Variants in PBRM1 observed in about 807,000 individuals in gnomAD.
The protein encoded by PBRM1 is protein polybromo-1.
A neutral mutation model predicts 194.5 loss-of-function variants in PBRM1; 27 were observed. That is an observed-to-expected ratio of 0.14 (90% CI 0.10 to 0.19). The LOEUF is 0.19. Ranked by LOEUF, PBRM1 falls within the 10% of genes least tolerant of loss-of-function variation. The pLI is 1.00. For synonymous variants in PBRM1, 655 were observed against 693.2 expected (o/e 0.94, Z 0.87); for missense variants, 1,466 against 2,077.2 (o/e 0.71, Z 5.72).
At chr3:52,656,032 T>C (rs1577742048) in intron 5 of PBRM1, among the ~76,000 whole-genome samples, 1 of 152,264 alleles carries the variant, frequency 6.6e-6, no homozygotes, top group South Asian at 2.1e-4. Context: ...ATGATCACAA[T>C]AGGGCTAAGT....
At chr3:52,612,281 AAG>A (rs2094675454) in intron 15 of PBRM1, among the ~76,000 whole-genome samples, 1 of 149,890 alleles carries the variant, frequency 6.7e-6, no homozygotes, top group South Asian at 2.1e-4. Context: ...AAAAAAAAAA[AAG>A]AGGTATCAAT....
At chr3:52,573,046 C>G (rs1040041565) in intron 22 of PBRM1, among the ~76,000 whole-genome samples, 1 of 152,136 alleles carries the variant, frequency 6.6e-6, no homozygotes, top group Non-Finnish European at 1.5e-5. Flanking sequence ...TCATTATATG[C>G]CTGTTGTCCT....
chr3:52,633,049 T>C (rs1304475451), intron 11 of PBRM1, among the ~76,000 whole-genome samples: 1 of 152,180 alleles, frequency 6.6e-6, no homozygotes, highest in Non-Finnish European at 1.5e-5. Flanking sequence ...AATACTTCCA[T>C]AATGCTATGC....
At chr3:52,600,173 A>G (rs1360063571) in intron 17 of PBRM1, among the ~76,000 whole-genome samples, 4 of 152,024 alleles carry the variant, frequency 2.6e-5, no homozygotes. Context: ...CTTTTTATCT[A>G]TTTGGGGATC....
chr3:52,546,108 T>C, downstream of PBRM1: 1 of 232,848 alleles, frequency 4.3e-6, no homozygotes, highest in Non-Finnish European at 8.5e-6. Context: ...TGGCTTCTAA[T>C]GACCCACGTG....
chr3:52,567,067 CAA>C (rs936466298), intron 22 of PBRM1, among the ~76,000 whole-genome samples: 16 of 59,930 alleles, frequency 2.7e-4, no homozygotes, highest in Admixed American at 3.4e-4. Context: ...GACTCCATCT[CAA>C]AAAAAAAAAA....
chr3:52,579,329 T>TAACC, intron 20 of PBRM1, 130 bp from the exon 23 acceptor site: 1 of 819,958 alleles, frequency 1.2e-6, no homozygotes, highest in Non-Finnish European at 2.0e-6. Context: ...GTGGCTCACG[T>TAACC]AATCCCAGCA....
chr3:52,671,492 G>T (rs1322972793), intron 2 of PBRM1, among the ~76,000 whole-genome samples: 1 of 152,164 alleles, frequency 6.6e-6, no homozygotes, highest in Non-Finnish European at 1.5e-5. Context: ...CCACATAATG[G>T]TTAAGAGCAC....
chr3:52,585,232 C>T (rs2092183853), intron 20 of PBRM1, among the ~76,000 whole-genome samples: 1 of 152,060 alleles, frequency 6.6e-6, no homozygotes, highest in Admixed American at 6.6e-5. Context: ...ATTATCTTGG[C>T]TTTGCAAAAC....
At chr3:52,676,944 G>C (rs2097119401) in intron 2 of PBRM1, among the ~76,000 whole-genome samples, 1 of 152,208 alleles carries the variant, frequency 6.6e-6, no homozygotes, top group South Asian at 2.1e-4. Context: ...TTGAACTTGA[G>C]AAAGATGATT....
intron 29 of PBRM1, 28 bp downstream of exon 31, chr3:52,550,393 A>T (rs766450897): frequency 3.3e-5 from 42 of 1,263,658 alleles, no homozygotes; most frequent in Non-Finnish European, 4.2e-5. Flanking sequence ...CATGTATTTC[A>T]CAAAGGCTTA....
chr3:52,649,118 A>G (rs1182289625), intron 6 of PBRM1, among the ~76,000 whole-genome samples: 1 of 152,248 alleles, frequency 6.6e-6, no homozygotes, highest in Non-Finnish European at 1.5e-5. Flanking sequence ...GGGTAGAGCC[A>G]TAAGCACAGA....
chr3:52,562,866 A>G (rs371805992), intron 24 of PBRM1, among the ~76,000 whole-genome samples: 3 of 152,048 alleles, frequency 2.0e-5, no homozygotes, highest in South Asian at 4.2e-4. Context: ...TCTGAATGAG[A>G]AAAAAATACC....
chr3:52,660,235 C>T (rs1002083655), intron 4 of PBRM1, among the ~76,000 whole-genome samples: 2 of 152,164 alleles, frequency 1.3e-5, no homozygotes, highest in Admixed American at 6.5e-5. Context: ...CCCTGAAGGC[C>T]TACACTAAGG....
chr3:52,647,857 T>C (rs1273288367), intron 7 of PBRM1, among the ~76,000 whole-genome samples: 1 of 152,068 alleles, frequency 6.6e-6, no homozygotes, highest in Admixed American at 6.6e-5. Context: ...CGACTGTTAA[T>C]TGACTGGAGT....
chr3:52,634,858 G>A, intron 10 of PBRM1, 43 bp from the exon 12 acceptor site: 3 of 1,343,378 alleles, frequency 2.2e-6, no homozygotes, highest in South Asian at 2.4e-5. Context: ...CGAATGAGAT[G>A]AAGAAAGAAC....
At chr3:52,558,723 G>C (rs535985082) in intron 25 of PBRM1, among the ~76,000 whole-genome samples, 1 of 152,192 alleles carries the variant, frequency 6.6e-6, no homozygotes, top group Non-Finnish European at 1.5e-5. Flanking sequence ...TTAATCTCAC[G>C]AGGCACCCTG....
intron 15 of PBRM1, among the ~76,000 whole-genome samples, chr3:52,614,023 C>T (rs533213253): frequency 6.6e-5 from 10 of 152,168 alleles, no homozygotes; most frequent in Non-Finnish European, 1.0e-4. Context: ...CATCGCTTAG[C>T]AGTAAATCAT....
In PBRM1 at chr3:52,567,939, G is replaced by A. The variant is rs552806507; in HGVS notation, c.3692-3706C>T. ...GCTGGGATTACAGGTGTGAACCACC[G>A]TGCCCAGCCGGGTATATTTTCATTT... On this transcript the variant is annotated intron_variant, in intron 22 of 29. Coordinates refer to ENST00000296302, the Ensembl canonical transcript of PBRM1. 6.0e-5 allele frequency among the ~76,000 whole-genome samples: 9 copies of A among 150,226 alleles called. No homozygotes were observed. In the South Asian group the frequency reaches 8.5e-4, roughly 14 times the overall value.
Sources: allele counts gnomAD v4.1 joint callset (sites outside exome capture counted in the v4.1 genomes callset), GRCh38; gene constraint gnomAD v4.1.1; transcripts MANE v1.5; gene names NCBI Gene and HGNC (gene_info 2026-07-23, HGNC 2026-07-21).